The following ZNF117 variants were observed in gnomAD, a reference collection of about 807,000 sequenced individuals.
ZNF117 encodes Krueppel-related zinc finger protein.
A neutral mutation model predicts 41.2 loss-of-function variants in ZNF117; 37 were observed. The observed-to-expected ratio is 0.90, with a 90% CI of 0.69 to 1.18. The LOEUF (loss-of-function observed/expected upper bound fraction) is 1.18, where lower values mean the gene tolerates loss of function less well. ZNF117 is among the 50% of genes most tolerant of loss of function. The pLI is 0.00. For synonymous variants in ZNF117, 186 were observed against 186.6 expected, an observed-to-expected ratio of 1.00 and a Z score of 0.02; for missense variants, 546 against 557.5, an observed-to-expected ratio of 0.98 and a Z score of 0.21.
intron 1 of ZNF117, among the ~76,000 whole-genome samples, chr7:64,988,406 CTT>C (rs1032599194): frequency 2.0e-5 from 3 of 152,134 alleles, no homozygotes; most frequent in African/African-American, 7.2e-5. Flanking sequence ...AATTTAACAT[CTT>C]TCACGTTAAA....
upstream of ZNF117, among the ~76,000 whole-genome samples, chr7:64,983,289 T>C (rs1056840972): frequency 2.6e-5 from 4 of 152,152 alleles, no homozygotes; most frequent in African/African-American, 9.7e-5. Flanking sequence ...CACCTTCCCA[T>C]GTTCAACAGC....
At chr7:64,972,339 A>T (rs554575745), downstream of ZNF117, 1 of 152,218 alleles carries the variant, frequency 6.6e-6, no homozygotes, top group South Asian at 2.1e-4. Flanking sequence ...ATGAAGAAAC[A>T]TTTATGCTTC....
chr7:64,989,969 G>A (rs1265481301), exon 1 of ZNF117: 2 of 152,088 alleles, frequency 1.3e-5, no homozygotes, highest in Non-Finnish European at 1.5e-5. Flanking sequence ...CTACTCAGGA[G>A]ACTGAAGCAG....
At chr7:64,977,295 C>T in exon 3 of ZNF117, 1 of 416,068 alleles carries the variant, frequency 2.4e-6, no homozygotes, top group South Asian at 1.9e-5. Context: ...AAAAACTTTG[C>T]CACATTCTTC....
At chr7:64,990,425 T>G (rs1608717) in exon 1 of ZNF117, 170,503 of 185,604 alleles carry the variant, frequency 0.92, 78,671 homozygotes, top group South Asian at 0.97. Flanking sequence ...GGCTGAGCCC[T>G]GAACAAAGAC....
chr7:64,972,897 G>A (rs1459023001), downstream of ZNF117: 1 of 151,976 alleles, frequency 6.6e-6, no homozygotes, highest in Admixed American at 6.6e-5. Flanking sequence ...GCAGAATAAA[G>A]TACACATTTA....
exon 3 of ZNF117, chr7:64,976,967 T>C: frequency 1.9e-6 from 1 of 534,802 alleles, no homozygotes. Flanking sequence ...TGCCACATTC[T>C]TCACATTTGT....
exon 3 of ZNF117, chr7:64,978,447 G>C (rs771801021): frequency 3.7e-6 from 6 of 1,610,604 alleles, no homozygotes; most frequent in Middle Eastern, 3.3e-4. Context: ...TGTATTAAGG[G>C]CTGAGGACTG....
intron 2 of ZNF117, chr7:64,980,985 A>G (rs1312639497): frequency 1.5e-5 from 3 of 195,850 alleles, no homozygotes; most frequent in East Asian, 3.4e-4. Context: ...AAAAAAACCA[A>G]TGGAACAGAA....
chr7:64,972,574 G>A (rs1785800120), downstream of ZNF117: 2 of 152,116 alleles, frequency 1.3e-5, no homozygotes, highest in South Asian at 2.1e-4. Flanking sequence ...CTTACACAGG[G>A]ATTCTAAGAA....
chr7:64,982,816 A>C (rs1337473522), upstream of ZNF117, among the ~76,000 whole-genome samples: 1 of 152,220 alleles, frequency 6.6e-6, no homozygotes, highest in African/African-American at 2.4e-5. Context: ...TTAATAATGA[A>C]GAGAAAAATA....
rs200003329 is a variant in ZNF117, at chr7:64,978,450, G to T, written c.1121C>A (p.Ser374Ter). Residue 374 changes from serine (S) to a stop codon, truncating the protein, a stop_gained, in exon 3 of 3, where the codon TCA becomes TAA. Coordinates refer to ENST00000620222, the Ensembl canonical transcript of ZNF117. LOFTEE classifies it high-confidence loss of function. ...GATTATCTTATGTGTATTAAGGGCT[G>T]AGGACTGGTTAAAGGCTTTGCCACA... 4.3e-6 allele frequency: 7 copies of T among 1,613,530 alleles called. No homozygotes were observed. The highest frequency in any genetic ancestry group is 5.1e-6 in the Non-Finnish European group (6 of 1,179,758).
chr7:64,990,501 G>A (rs1234487296), exon 1 of ZNF117: 1 of 170,838 alleles, frequency 5.9e-6, no homozygotes, highest in Non-Finnish European at 1.2e-5. Flanking sequence ...AACCTGCGAG[G>A]TGAGAAAGCA....
At chr7:64,974,160 T>C (rs1389037479), downstream of ZNF117, 1 of 151,956 alleles carries the variant, frequency 6.6e-6, no homozygotes, top group Non-Finnish European at 1.5e-5. Flanking sequence ...ACAAATGGAA[T>C]GTTCTAACTA....
chr7:64,989,446 T>C (rs1298543338), intron 1 of ZNF117, among the ~76,000 whole-genome samples: 2 of 5,340 alleles, frequency 3.7e-4, no homozygotes, highest in South Asian at 3.3e-3. Flanking sequence ...CTTAAAATTA[T>C]ATATATATAT....
chr7:64,977,364 T>C (rs528072711), exon 3 of ZNF117: 211 of 411,502 alleles, frequency 5.1e-4, no homozygotes, highest in African/African-American at 4.3e-3. Flanking sequence ...GGTTGAAGAC[T>C]GGCTAAAAGC....
At chr7:64,981,191 A>G (rs1159340050) in intron 2 of ZNF117, 196 bp downstream of exon 3, 2 of 659,172 alleles carry the variant, frequency 3.0e-6, no homozygotes, top group Non-Finnish European at 5.0e-6. Flanking sequence ...AGATCACTAA[A>G]GGGAAAGAGG....
chr7:64,982,233 A>G, upstream of ZNF117: 1 of 437,528 alleles, frequency 2.3e-6, no homozygotes, highest in Non-Finnish European at 4.2e-6. Flanking sequence ...GTTCTGACTT[A>G]TAGGAGTGAA....
At chr7:64,990,565 C>T (rs1270584064) in exon 1 of ZNF117, 1 of 152,604 alleles carries the variant, frequency 6.6e-6, no homozygotes, top group East Asian at 1.9e-4. Context: ...GGTTTTACAA[C>T]AGGATTTGCA....
Sources: allele counts gnomAD v4.1 joint callset (sites outside exome capture counted in the v4.1 genomes callset), GRCh38; gene constraint gnomAD v4.1.1; transcripts MANE v1.5; gene names NCBI Gene and HGNC (gene_info 2026-07-23, HGNC 2026-07-21).